The following USP39 variants were observed in gnomAD, a reference collection of about 807,000 sequenced individuals.
USP39 encodes the protein ubiquitin carboxyl-terminal hydrolase 39.
In USP39, 38 loss-of-function variants were observed where a neutral mutation model predicts 66.4. The ratio of observed to expected loss-of-function variants is 0.57; its 90% CI spans 0.44 to 0.75. The LOEUF (loss-of-function observed/expected upper bound fraction) is 0.75, where lower values mean the gene tolerates loss of function less well. Among genes scored for constraint, USP39 ranks in the 30% least tolerant of loss-of-function variants. The pLI is 0.00. For synonymous variants in USP39, 303 were observed against 274.6 expected (o/e 1.10, Z -1.02); for missense variants, 608 against 714.4 (o/e 0.85, Z 1.70).
upstream of USP39, chr2:85,612,042 C>G: frequency 7.9e-7 from 1 of 1,264,010 alleles, no homozygotes; most frequent in Non-Finnish European, 1.1e-6. Context: ...CAGCCACCCG[C>G]CCACAGAGCT....
intron 9 of USP39, 100 bp from the exon 10 acceptor site, chr2:85,640,876 C>A (rs1215783568): frequency 9.0e-7 from 1 of 1,105,810 alleles, no homozygotes; most frequent in Non-Finnish European, 1.2e-6. Context: ...AAGTGTGAGG[C>A]AAAATTATAT....
intron 3 of USP39, among the ~76,000 whole-genome samples, chr2:85,623,367 G>T (rs987944987): frequency 6.7e-6 from 1 of 149,024 alleles, no homozygotes; most frequent in Non-Finnish European, 1.5e-5. Context: ...ATATATATAG[G>T]TTATATATAT....
chr2:85,615,081 G>A (rs930159978), upstream of USP39, among the ~76,000 whole-genome samples: 3 of 151,728 alleles, frequency 2.0e-5, no homozygotes, highest in African/African-American at 7.3e-5. Context: ...AGTGCAATGG[G>A]GCGATCTCGG....
At chr2:85,624,988 A>G (rs1674737005) in intron 4 of USP39, among the ~76,000 whole-genome samples, 1 of 151,548 alleles carries the variant, frequency 6.6e-6, no homozygotes, top group Admixed American at 6.6e-5. Context: ...AGTTATGGTC[A>G]GTATTTATAG....
rs146296000 is a variant in USP39 at position 85,642,800 on chromosome 2, G to A, written c.1427+1682G>A. The stretch of plus-strand genomic sequence containing the variant: ...ATTCATAACACATCCTGTTTTTGTC[G>A]GAGAGTTATCAGACTTATGGTGATT... On this transcript the variant is annotated intron_variant, in intron 10 of 12. Transcript: ENST00000323701. Among the ~76,000 whole-genome samples, 365 of 152,000 alleles carry A rather than the reference G, an allele frequency of 2.4e-3. 3 individuals are homozygous for A. The highest frequency in any genetic ancestry group is 8.4e-3 in the African/African-American group (349 of 41,468).
At chr2:85,616,647 C>T (rs1482848373) in intron 1 of USP39, among the ~76,000 whole-genome samples, 184 bp downstream of exon 1, 1 of 151,328 alleles carries the variant, frequency 6.6e-6, no homozygotes. Flanking sequence ...AGACAGTACC[C>T]TTCTCAATAA....
chr2:85,609,037 C>A (rs768311573), upstream of USP39: 5 of 1,614,122 alleles, frequency 3.1e-6, no homozygotes, highest in African/African-American at 6.7e-5. Flanking sequence ...TGTGCCGACA[C>A]CTTCTCACTC....
At chr2:85,608,756 A>T, upstream of USP39, 1 of 402,892 alleles carries the variant, frequency 2.5e-6, no homozygotes, top group Non-Finnish European at 4.2e-6. Flanking sequence ...GGCTGGGCAA[A>T]TGGGTCAACA....
At chr2:85,644,060 A>G (rs1676464478) in intron 10 of USP39, among the ~76,000 whole-genome samples, 1 of 152,204 alleles carries the variant, frequency 6.6e-6, no homozygotes, top group Non-Finnish European at 1.5e-5. Context: ...AAAGCTACAT[A>G]TAATAATTAC....
chr2:85,622,998 C>T (rs371575385), intron 3 of USP39, among the ~76,000 whole-genome samples: 8 of 152,004 alleles, frequency 5.3e-5, no homozygotes, highest in Non-Finnish European at 7.4e-5. Flanking sequence ...GACTGTGGCA[C>T]GGAGTAAAAA....
At chr2:85,643,203 T>A (rs1676375250) in intron 10 of USP39, among the ~76,000 whole-genome samples, 1 of 151,982 alleles carries the variant, frequency 6.6e-6, no homozygotes. Context: ...TATAAAGACT[T>A]CTCCAAACCA....
chr2:85,619,438 T>C lies in USP39; in HGVS notation c.338+149T>C. Reference sequence around the variant, plus strand: ...GTGCTTCTTGCCATGTTACTCCTTATTCTTTGATTTAAAGTGTCAGAACAC... The same window carrying C: ...GTGCTTCTTGCCATGTTACTCCTTACTCTTTGATTTAAAGTGTCAGAACAC... On this transcript the variant is annotated intron_variant, in intron 2 of 12. Transcript: ENST00000323701. The C allele has an allele frequency of 3.9e-6, 3 of 767,022 alleles. No homozygotes were observed. In the South Asian group the frequency reaches 5.6e-5, roughly 14 times the overall value. The allele number at this position is 767,022 out of a possible 1,614,324, so 47.5% of individuals were successfully genotyped here.
At chr2:85,616,533 C>T (rs1673973494) in intron 1 of USP39, 70 bp downstream of exon 1, 6 of 1,082,912 alleles carry the variant, frequency 5.5e-6, no homozygotes, top group African/African-American at 1.9e-5. Flanking sequence ...TGTCTCTAAT[C>T]TTCCGCTAGG....
At chr2:85,635,984 C>A in intron 6 of USP39, 69 bp from the exon 7 acceptor site, 1 of 1,459,782 alleles carries the variant, frequency 6.9e-7, no homozygotes, top group South Asian at 1.1e-5. Flanking sequence ...GAATGCCAAC[C>A]AGTGCATGGT....
chr2:85,639,067 A>G, intron 8 of USP39, 136 bp from the exon 9 acceptor site: 1 of 856,888 alleles, frequency 1.2e-6, no homozygotes, highest in Non-Finnish European at 1.7e-6. Flanking sequence ...GGTGCATGCC[A>G]AACTGCCCAA....
upstream of USP39, chr2:85,607,765 G>C (rs1046315541): frequency 6.6e-6 from 1 of 152,226 alleles, no homozygotes; most frequent in Non-Finnish European, 1.5e-5. Context: ...AGGCACTGAG[G>C]TTAGGCTGAT....
At chr2:85,605,112 C>G (rs964397690) in intron 1 of USP39, among the ~76,000 whole-genome samples, 15 of 152,100 alleles carry the variant, frequency 9.9e-5, no homozygotes, top group African/African-American at 3.4e-4. Context: ...TATGTTCCAA[C>G]AGGGACAGCT....
chr2:85,649,197 G>C lies in USP39; in HGVS notation c.*389G>C, dbSNP rs1676881007. Reference sequence around the variant, plus strand: ...AGCAGAAAGCCAGTAACTTCGCTCTGTTAGAGGTGGAGGATTTTCCTATGG... The same window carrying C: ...AGCAGAAAGCCAGTAACTTCGCTCTCTTAGAGGTGGAGGATTTTCCTATGG... On this transcript the variant is annotated 3_prime_UTR_variant, in exon 13 of 13. Transcript: ENST00000323701. 5.7e-6 allele frequency: 1 copy of C among 175,164 alleles called. No individual in the cohort carries two copies. Among genetic ancestry groups the C allele is most frequent in the Non-Finnish European group, 1.2e-5 (1 of 83,618 alleles). The allele number at this position is 175,164 out of a possible 1,614,324, so 10.9% of individuals were successfully genotyped here.
At chr2:85,645,132 T>G (rs376411216) in intron 11 of USP39, 49 bp downstream of exon 11, 2 of 1,611,506 alleles carry the variant, frequency 1.2e-6, no homozygotes, top group Non-Finnish European at 1.7e-6. Context: ...AAAACAGGTG[T>G]TTCTTTGGCA....
Sources: allele counts gnomAD v4.1 joint callset (sites outside exome capture counted in the v4.1 genomes callset), GRCh38; gene constraint gnomAD v4.1.1; transcripts MANE v1.5; gene names NCBI Gene and HGNC (gene_info 2026-07-23, HGNC 2026-07-21).